Variants in WIF1 observed in about 807,000 individuals in gnomAD.
The protein encoded by WIF1 is Wnt inhibitory factor 1.
Under a neutral mutation model 53.5 loss-of-function variants are expected in WIF1, and 35 were observed. The ratio of observed to expected loss-of-function variants is 0.65; its 90% CI spans 0.50 to 0.87. The LOEUF (loss-of-function observed/expected upper bound fraction) is 0.87. Among genes scored for constraint, WIF1 ranks in the 40% least tolerant of loss-of-function variants. The pLI is 0.00. For missense variants in WIF1, 467 were observed against 476.8 expected (o/e 0.98, Z 0.19); for synonymous variants, 171 against 170.4 (o/e 1.00, Z -0.03).
chr12:65,106,429 G>A (rs925591411), intron 2 of WIF1, among the ~76,000 whole-genome samples: 7 of 151,194 alleles, frequency 4.6e-5, no homozygotes, highest in African/African-American at 1.2e-4. Context: ...TACCCTGGCT[G>A]GAGTGCAGTG....
intron 2 of WIF1, among the ~76,000 whole-genome samples, chr12:65,086,103 A>G (rs964845451): frequency 2.6e-5 from 4 of 152,166 alleles, no homozygotes; most frequent in Non-Finnish European, 5.9e-5. Flanking sequence ...GTAGAAAAGC[A>G]AAGCATTGGG....
intron 9 of WIF1, among the ~76,000 whole-genome samples, chr12:65,054,727 CACTGATTCT>C (rs1234622213): frequency 6.6e-6 from 1 of 152,170 alleles, no homozygotes; most frequent in East Asian, 1.9e-4. Flanking sequence ...GGTAAGGAGA[CACTGATTCT>C]ACATTTGATT....
At chr12:65,069,628 T>C (rs1882743220) in intron 3 of WIF1, among the ~76,000 whole-genome samples, 1 of 152,170 alleles carries the variant, frequency 6.6e-6, no homozygotes, top group Admixed American at 6.6e-5. Flanking sequence ...ATGGTTTATG[T>C]TCTTAAAGAG....
intron 2 of WIF1, among the ~76,000 whole-genome samples, chr12:65,084,962 G>A (rs974791020): frequency 1.3e-5 from 2 of 152,230 alleles, no homozygotes; most frequent in African/African-American, 2.4e-5. Context: ...TTATCTACCC[G>A]ATCTGTGTGT....
chr12:65,087,638 A>T (rs146317284), intron 2 of WIF1, among the ~76,000 whole-genome samples: 8 of 152,254 alleles, frequency 5.3e-5, no homozygotes, highest in Admixed American at 2.0e-4. Flanking sequence ...AAAGGAGGAA[A>T]AAAAACACAG....
intron 2 of WIF1, among the ~76,000 whole-genome samples, chr12:65,118,338 A>G (rs1883543225): frequency 2.0e-5 from 3 of 152,226 alleles, no homozygotes; most frequent in Admixed American, 6.5e-5. Context: ...GTGCATTTCA[A>G]AAATTATGGT....
chr12:65,054,063 T>A (rs1882486082), intron 9 of WIF1: 1 of 141,242 alleles, frequency 7.1e-6, no homozygotes, highest in African/African-American at 2.6e-5. Flanking sequence ...CCTGGAATTT[T>A]GTGAATTTGC....
At position 65,055,190 on chromosome 12, in the gene WIF1, C is replaced by T. The variant is rs1240436246; in HGVS notation, c.946G>A (p.Ala316Thr). Reference protein sequence around the residue: ...SKPVCEPGCGAHGTCHEPNKC... With the variant: ...SKPVCEPGCGTHGTCHEPNKC... ...TTGGGTTCATGGCAGGTTCCATGTG[C>T]ACCACAGCCAGGCTCGCAGACAGCT... The change falls in exon 9 of 10, where the codon GCA becomes ACA. Residue 316 changes from alanine (A) to threonine (T), a missense_variant. Transcript: ENST00000286574. The T allele has an allele frequency of 5.0e-6, 8 of 1,613,926 alleles. No individual in the cohort carries two copies. The Admixed American group carries it at 6.7e-5, about 13-fold the overall frequency.
intron 2 of WIF1, among the ~76,000 whole-genome samples, chr12:65,110,571 C>T (rs921308047): frequency 6.6e-6 from 1 of 152,200 alleles, no homozygotes; most frequent in Non-Finnish European, 1.5e-5. Context: ...ATCCTAGCTG[C>T]CCAGGTTTAA....
intron 2 of WIF1, among the ~76,000 whole-genome samples, chr12:65,104,677 T>TAGAC (rs1883328954): frequency 6.6e-6 from 1 of 152,172 alleles, no homozygotes; most frequent in Non-Finnish European, 1.5e-5. Context: ...TAATAAGCAT[T>TAGAC]AGACATTTTC....
chr12:65,092,464 GTA>G (rs1353505077), intron 2 of WIF1, among the ~76,000 whole-genome samples: 1 of 137,674 alleles, frequency 7.3e-6, no homozygotes, highest in East Asian at 2.1e-4. Context: ...ATATACACAT[GTA>G]TATGTGTGTG....
intron 3 of WIF1, among the ~76,000 whole-genome samples, chr12:65,074,220 T>C (rs1417717887): frequency 6.6e-6 from 1 of 151,884 alleles, no homozygotes; most frequent in African/African-American, 2.4e-5. Context: ...TTAGGGTACA[T>C]GTGCACATTA....
At chr12:65,097,342 C>A (rs911396826) in intron 2 of WIF1, among the ~76,000 whole-genome samples, 11 of 152,222 alleles carry the variant, frequency 7.2e-5, no homozygotes, top group Middle Eastern at 3.4e-3. Context: ...ATAGAGATAT[C>A]TACCTCCATT....
At position 65,121,072 on chromosome 12, in the gene WIF1, G is replaced by T. The variant is rs1278621867; in HGVS notation, c.120C>A (p.Ile40=). 2 of 1,539,506 alleles carry T rather than the reference G, an allele frequency of 1.3e-6. No homozygotes were observed. Among genetic ancestry groups the T allele is most frequent in the South Asian group, 1.2e-5 (1 of 82,544 alleles). ...PPQEESLYLW[I]DAHQARVLIG... is the part of the protein sequence containing the mutation. Reference sequence around the variant, plus strand: ...TGAGTACTCTTGCCTGGTGAGCATCGATCCATAGGTACAGGCTCTCCTCCT... The same window carrying T: ...TGAGTACTCTTGCCTGGTGAGCATCTATCCATAGGTACAGGCTCTCCTCCT... Residue 40 remains isoleucine (I), a synonymous_variant, in exon 1 of 10, where the codon ATC becomes ATA. Coordinates refer to ENST00000286574, the MANE Select transcript of WIF1 (RefSeq NM_007191.5).
At chr12:65,090,102 C>T (rs1022451677) in intron 2 of WIF1, among the ~76,000 whole-genome samples, 15 of 152,158 alleles carry the variant, frequency 9.9e-5, no homozygotes, top group African/African-American at 3.6e-4. Context: ...AAAGCCTTGG[C>T]TGAGAGAGGT....
chr12:65,113,837 C>T (rs78940512), intron 2 of WIF1, among the ~76,000 whole-genome samples: 6,271 of 152,244 alleles, frequency 0.041, 186 homozygotes, highest in Non-Finnish European at 0.064. Context: ...TGAAAAAAAT[C>T]ATGCCCACAG....
chr12:65,102,734 A>T (rs1320110170), intron 2 of WIF1, among the ~76,000 whole-genome samples: 1 of 152,158 alleles, frequency 6.6e-6, no homozygotes, highest in Non-Finnish European at 1.5e-5. Flanking sequence ...GGAGGCACTC[A>T]TTCCTAGGCT....
At chr12:65,053,154 AG>A (rs1210922633) in intron 9 of WIF1, among the ~76,000 whole-genome samples, 1 of 152,206 alleles carries the variant, frequency 6.6e-6, no homozygotes, top group Non-Finnish European at 1.5e-5. Context: ...TCTCCTTATC[AG>A]TATGTCCTAG....
At chr12:65,093,299 C>T (rs74099744) in intron 2 of WIF1, among the ~76,000 whole-genome samples, 4,822 of 152,164 alleles carry the variant, frequency 0.032, 260 homozygotes, top group African/African-American at 0.11. Flanking sequence ...TGCAATAATT[C>T]ATGTAAGGAT....
Sources: allele counts gnomAD v4.1 joint callset (sites outside exome capture counted in the v4.1 genomes callset), GRCh38; gene constraint gnomAD v4.1.1; transcripts MANE v1.5; gene names NCBI Gene and HGNC (gene_info 2026-07-23, HGNC 2026-07-21).